DHX32: variants seen among roughly 807,000 people sequenced by gnomAD.
The protein encoded by DHX32 is DEAH-box helicase 32 (putative), also known as putative pre-mRNA-splicing factor ATP-dependent RNA helicase DHX32.
In DHX32, 51 loss-of-function variants were observed where a neutral mutation model predicts 70.0. That is an observed-to-expected ratio of 0.73 (90% CI 0.58 to 0.92). The LOEUF (loss-of-function observed/expected upper bound fraction) is 0.92. DHX32 is among the 40% of genes least tolerant of loss of function. DHX32 has a pLI of 0.00. For synonymous variants in DHX32, 310 were observed against 315.3 expected (o/e 0.98, Z 0.18); for missense variants, 762 against 891.8 (o/e 0.85, Z 1.85).
chr10:125,847,268 TG>T (rs1944034214), intron 6 of DHX32, among the ~76,000 whole-genome samples: 1 of 152,216 alleles, frequency 6.6e-6, no homozygotes, highest in Non-Finnish European at 1.5e-5. Context: ...GATACAGGGA[TG>T]AGAAACTAAA....
At chr10:125,893,929 TTC>T (rs1944386229) in intron 1 of DHX32, among the ~76,000 whole-genome samples, 1 of 152,204 alleles carries the variant, frequency 6.6e-6, no homozygotes, top group Non-Finnish European at 1.5e-5. Context: ...CTACTTTGAA[TTC>T]TGAGGTAGTC....
At chr10:125,860,752 A>ATTTTTTTTTT (rs397747204) in intron 2 of DHX32, among the ~76,000 whole-genome samples, 1 of 111,822 alleles carries the variant, frequency 8.9e-6, no homozygotes, top group Non-Finnish European at 1.7e-5. Flanking sequence ...AACCAATCCC[A>ATTTTTTTTTT]TTTTTTTTTT....
chr10:125,880,870 T>C lies in DHX32; in HGVS notation c.-46A>G, dbSNP rs1304309526. ...CGCAGCTGACATTCCACAAGCAAGT[T>C]TCTCCTATCAGTAACCCATTGCAAA... On this transcript the variant is annotated 5_prime_UTR_variant, in exon 1 of 11. Transcript: ENST00000284690. The C allele has an allele frequency of 6.3e-7, 1 of 1,580,378 alleles. No homozygotes were observed. The highest frequency in any genetic ancestry group is 2.2e-5 in the East Asian group (1 of 44,646).
chr10:125,882,702 T>C (rs950316833), upstream of DHX32, among the ~76,000 whole-genome samples: 3 of 152,112 alleles, frequency 2.0e-5, no homozygotes, highest in Non-Finnish European at 4.4e-5. Flanking sequence ...AAAGGCATAA[T>C]AGAAATGTTG....
At chr10:125,875,680 T>C (rs977545528) in intron 1 of DHX32, among the ~76,000 whole-genome samples, 1 of 152,166 alleles carries the variant, frequency 6.6e-6, no homozygotes, top group Admixed American at 6.5e-5. Flanking sequence ...ATGCTAACAC[T>C]AGTGGATGAA....
rs756630528 is a variant in DHX32 at position 125,880,527 on chromosome 10, T to C, written c.282+16A>G. The C allele has an allele frequency of 1.3e-6, 2 of 1,560,528 alleles. No homozygotes were observed. The highest frequency in any genetic ancestry group is 3.9e-5 in the Admixed American group (2 of 51,468). On this transcript the variant is annotated intron_variant, in intron 1 of 10. Transcript: ENST00000284690. ...TCAACACATACAGCAAATTATTTTT[T>C]GTAGTGGTTACTCACCTGAGCGCTC...
intron 1 of DHX32, among the ~76,000 whole-genome samples, chr10:125,891,494 C>CT (rs1260262185): frequency 6.6e-6 from 1 of 152,288 alleles, no homozygotes; most frequent in Non-Finnish European, 1.5e-5. Flanking sequence ...AATCCCAGCA[C>CT]TTTGGAAGGC....
intron 2 of DHX32, among the ~76,000 whole-genome samples, chr10:125,865,797 G>A (rs1380821369): frequency 6.6e-6 from 1 of 152,168 alleles, no homozygotes; most frequent in Non-Finnish European, 1.5e-5. Context: ...CCAAAGTGCT[G>A]GGATTATGGG....
chr10:125,889,645 C>G (rs1944358412), intron 1 of DHX32, among the ~76,000 whole-genome samples: 3 of 152,280 alleles, frequency 2.0e-5, no homozygotes, highest in Non-Finnish European at 2.9e-5. Context: ...CCGGATCTCA[C>G]TGCAAACCAG....
At chr10:125,895,354 G>A (rs1236154080) in intron 1 of DHX32, among the ~76,000 whole-genome samples, 2 of 152,244 alleles carry the variant, frequency 1.3e-5, no homozygotes, top group Admixed American at 1.3e-4. Context: ...GTCTGGAGCA[G>A]CGGTTGGAAT....
intron 1 of DHX32, chr10:125,869,704 C>A (rs1439997823): frequency 6.6e-6 from 1 of 152,206 alleles, no homozygotes. Flanking sequence ...CAGATGTGAG[C>A]CCCTGTGCCC....
chr10:125,855,220 C>CA (rs752413341), intron 3 of DHX32, among the ~76,000 whole-genome samples: 1,691 of 73,354 alleles, frequency 0.023, 18 homozygotes, highest in Middle Eastern at 0.054. Context: ...GACTCCGTCT[C>CA]AAAAAAAAAA....
At chr10:125,838,447 A>G in intron 9 of DHX32, 60 bp from the exon 10 acceptor site, 1 of 1,424,110 alleles carries the variant, frequency 7.0e-7, no homozygotes, top group Non-Finnish European at 9.3e-7. Context: ...CATTATACAA[A>G]GATGTTTGTT....
chr10:125,841,967 C>T (rs1320059113), intron 6 of DHX32, 33 bp from the exon 7 acceptor site: 7 of 1,538,634 alleles, frequency 4.5e-6, no homozygotes, highest in Non-Finnish European at 6.1e-6. Flanking sequence ...ATTTAAGAGT[C>T]TCATATGGCT....
intron 3 of DHX32, among the ~76,000 whole-genome samples, chr10:125,858,721 T>C (rs1486174535): frequency 2.0e-5 from 3 of 152,140 alleles, no homozygotes; most frequent in Non-Finnish European, 2.9e-5. Flanking sequence ...CCACTACATA[T>C]ATGGGTCATG....
In DHX32 at chr10:125,838,314, A is replaced by C; in HGVS notation, c.1955T>G (p.Leu652Arg). 3 of 1,613,940 alleles carry C rather than the reference A, an allele frequency of 1.9e-6. No homozygotes were observed. The South Asian group carries it at 3.3e-5, about 18-fold the overall frequency. Residue 652 changes from leucine (L) to arginine (R), a missense_variant, in exon 10 of 11, where the codon CTG (leucine) becomes CGG (arginine). Physicochemically the swap from Leu to Arg is moderately radical, Grantham distance 102. This residue lies in a region of DHX32 where 366 missense variants were observed against 402.6 expected (regional missense o/e 0.91). Transcript: ENST00000284690. Reference sequence around the variant, plus strand: ...CTTCTTGGTGATTGAGTAACCAGACAGGGGATGCAGCTGAGCAACCTGCTT... The same window carrying C: ...CTTCTTGGTGATTGAGTAACCAGACCGGGGATGCAGCTGAGCAACCTGCTT... ...THKQVAQLHP[L>R]SGYSITKKMP...
chr10:125,866,927 C>A lies in DHX32; in HGVS notation c.476+63G>T, dbSNP rs1361162674. The A allele has an allele frequency of 1.1e-5, 17 of 1,526,842 alleles. No individual in the cohort carries two copies. Among genetic ancestry groups the A allele is most frequent in the Non-Finnish European group, 1.5e-5 (17 of 1,120,024 alleles). The allele number at this position is 1,526,842 out of a possible 1,614,324, so 94.6% of individuals were successfully genotyped here. On this transcript the variant is annotated intron_variant, in intron 2 of 10. Coordinates refer to ENST00000284690, the MANE Select transcript of DHX32 (RefSeq NM_018180.3). This position sits in a 1 kb window ranked among gnomAD's most constrained non-coding sequence, Gnocchi z 4.8. ...GTAGAATGCCAGAATAATGCTCCTTCAGAATTGTAGAACCTAAGCCAAGAA... is the reference window on the plus strand; with the variant it reads ...GTAGAATGCCAGAATAATGCTCCTTAAGAATTGTAGAACCTAAGCCAAGAA...
At chr10:125,856,856 T>C (rs540464593) in intron 3 of DHX32, among the ~76,000 whole-genome samples, 22 of 152,094 alleles carry the variant, frequency 1.4e-4, no homozygotes, top group Admixed American at 2.6e-4. Flanking sequence ...CTTTGAAGGC[T>C]GAAGAGGTAG....
intron 5 of DHX32, 28 bp downstream of exon 5, chr10:125,852,515 C>T: frequency 1.2e-6 from 2 of 1,612,946 alleles, no homozygotes; most frequent in Non-Finnish European, 1.7e-6. Context: ...GAATTGACAA[C>T]ATTTAGTATT....
Sources: gnomAD v4.1 joint callset for allele counts (sites outside exome capture counted in the v4.1 genomes callset) on GRCh38, gnomAD v4.1.1 for gene constraint, gnomAD v4.1.1 regional missense constraint, Gnocchi (gnomAD v3.1) non-coding constraint, MANE v1.5 for transcripts, NCBI Gene and HGNC (gene_info 2026-07-23, HGNC 2026-07-21) for gene names.